Variants in CDH13 observed in about 807,000 individuals in gnomAD.
CDH13 encodes cadherin-13.
Under a neutral mutation model 63.8 loss-of-function variants are expected in CDH13, and 24 were observed. The ratio of observed to expected loss-of-function variants is 0.38; its 90% confidence interval spans 0.27 to 0.53. CDH13 has a LOEUF of 0.53. Among genes scored for constraint, CDH13 ranks in the 20% least tolerant of loss-of-function variants. The pLI, the probability that CDH13 is intolerant of heterozygous loss-of-function variation, is 0.85. For missense variants in CDH13, 1,049 were observed against 903.1 expected (o/e 1.16, Z -2.07); for synonymous variants, 503 against 355.3 (o/e 1.42, Z -4.67).
intron 8 of CDH13, among the ~76,000 whole-genome samples, chr16:83,608,063 A>G (rs558738768): frequency 1.3e-5 from 2 of 152,348 alleles, no homozygotes; most frequent in Admixed American, 6.5e-5. Context: ...AGTGATTATA[A>G]AATTTAAAAA....
At chr16:83,529,242 G>T (rs1419598985) in intron 7 of CDH13, among the ~76,000 whole-genome samples, 1 of 152,056 alleles carries the variant, frequency 6.6e-6, no homozygotes, top group Non-Finnish European at 1.5e-5. Flanking sequence ...ACGTGGATTG[G>T]AATCCTAGCT....
intron 2 of CDH13, among the ~76,000 whole-genome samples, chr16:82,990,753 C>T (rs2151404341): frequency 6.6e-6 from 1 of 152,092 alleles, no homozygotes; most frequent in African/African-American, 2.4e-5. Flanking sequence ...GCTATGTTGC[C>T]TAGGCTGATT....
intron 5 of CDH13, among the ~76,000 whole-genome samples, chr16:83,246,508 TCTC>T (rs945897782): frequency 2.6e-5 from 4 of 152,124 alleles, no homozygotes; most frequent in African/African-American, 9.7e-5. Context: ...TTCTTCCTCT[TCTC>T]TATACTTTTC....
intron 1 of CDH13, among the ~76,000 whole-genome samples, chr16:82,792,234 G>A (rs924182625): frequency 2.6e-5 from 4 of 152,036 alleles, no homozygotes; most frequent in Admixed American, 6.6e-5. Context: ...GATTCCTGCC[G>A]CGTGGGCTGA....
At chr16:82,828,966 G>A (rs2038393795) in intron 1 of CDH13, among the ~76,000 whole-genome samples, 1 of 152,140 alleles carries the variant, frequency 6.6e-6, no homozygotes, top group Non-Finnish European at 1.5e-5. Flanking sequence ...TCATAGACCA[G>A]AGACTTCCAC....
chr16:82,983,328 A>G (rs1353395165), intron 2 of CDH13, among the ~76,000 whole-genome samples: 1 of 151,910 alleles, frequency 6.6e-6, no homozygotes, highest in East Asian at 1.9e-4. Context: ...CTTCGTCCCC[A>G]TTTTTTCTCA....
At chr16:83,115,291 G>T (rs1363020624) in intron 3 of CDH13, among the ~76,000 whole-genome samples, 1 of 152,198 alleles carries the variant, frequency 6.6e-6, no homozygotes, top group Non-Finnish European at 1.5e-5. Context: ...GCAAGTCGTT[G>T]AATGGATTAA....
chr16:83,542,453 A>G (rs1177467876), intron 7 of CDH13, among the ~76,000 whole-genome samples: 2 of 152,230 alleles, frequency 1.3e-5, no homozygotes, highest in African/African-American at 4.8e-5. Context: ...TATGTCTGGC[A>G]TAGGGACCAA....
intron 6 of CDH13, among the ~76,000 whole-genome samples, chr16:83,357,219 A>T (rs543593622): frequency 6.6e-6 from 1 of 152,134 alleles, no homozygotes; most frequent in East Asian, 1.9e-4. Flanking sequence ...CTTCCTTCTC[A>T]TTTCTGCAAT....
intron 10 of CDH13, among the ~76,000 whole-genome samples, chr16:83,716,437 C>T (rs1043616523): frequency 3.3e-5 from 5 of 152,144 alleles, no homozygotes; most frequent in East Asian, 1.9e-4. Flanking sequence ...CCCTCCTTCC[C>T]GCCAACCCTT....
rs145359771 is a variant in CDH13, at chr16:82,863,478, GCA to G, written c.157+5010_157+5011del. Among the ~76,000 whole-genome samples, 1,507 of 152,222 alleles carry G rather than the reference GCA, an allele frequency of 9.9e-3. 29 individuals carry two copies. The highest frequency in any genetic ancestry group is 0.034 in the African/African-American group (1,432 of 41,518). On this transcript the variant is annotated intron_variant, in intron 2 of 13. Coordinates refer to ENST00000567109, the MANE Select transcript of CDH13 (RefSeq NM_001257.5). ...CTCATATCGACTAGAATTCAAATGT[GCA>G]CACAGTCATCTATTAGCTCTGTGGC...
At chr16:83,513,878 A>C (rs77045159) in intron 7 of CDH13, among the ~76,000 whole-genome samples, 11,074 of 152,266 alleles carry the variant, frequency 0.073, 448 homozygotes, top group African/African-American at 0.089. Flanking sequence ...CTAGTCCCCA[A>C]GTAGCTGATA....
rs563327037 is a variant in CDH13, at chr16:83,427,027, C to T, written c.782-59450C>T. On this transcript the variant is annotated intron_variant, in intron 6 of 13. Transcript: ENST00000567109. Reference sequence around the variant, plus strand: ...CTGCAAGCTCCGCCTCCCAGGTTCACGCCATTCTCCTGCCTTAGCCTCCCA... The same window carrying T: ...CTGCAAGCTCCGCCTCCCAGGTTCATGCCATTCTCCTGCCTTAGCCTCCCA... Among the ~76,000 whole-genome samples the T allele has an allele frequency of 1.4e-4, 21 of 144,844 alleles. 1 individual carries two copies. The South Asian group carries it at 4.1e-3, about 28-fold the overall frequency.
intron 6 of CDH13, among the ~76,000 whole-genome samples, chr16:83,419,022 C>A (rs2071635315): frequency 6.6e-6 from 1 of 152,160 alleles, no homozygotes; most frequent in East Asian, 1.9e-4. Flanking sequence ...GACACCTCAT[C>A]TGTTTTCTCA....
chr16:83,730,786 C>T (rs28450383), intron 10 of CDH13, among the ~76,000 whole-genome samples: 28,168 of 152,064 alleles, frequency 0.19, 2,658 homozygotes, highest in Middle Eastern at 0.22. Context: ...GCATAGTACC[C>T]GATAGTTTTC....
intron 10 of CDH13, among the ~76,000 whole-genome samples, chr16:83,723,469 C>T (rs77291627): frequency 0.15 from 22,707 of 152,204 alleles, 1,971 homozygotes; most frequent in Middle Eastern, 0.27. Context: ...CTCACTGTGG[C>T]TCCCTCTGCC....
At chr16:82,769,399 C>T (rs1315088510) in intron 1 of CDH13, among the ~76,000 whole-genome samples, 1 of 152,148 alleles carries the variant, frequency 6.6e-6, no homozygotes, top group Admixed American at 6.5e-5. Context: ...GTTTTATATA[C>T]TGTATCCTCC....
chr16:82,780,935 T>G (rs1169334901), intron 1 of CDH13, among the ~76,000 whole-genome samples: 1 of 152,264 alleles, frequency 6.6e-6, no homozygotes, highest in Non-Finnish European at 1.5e-5. Flanking sequence ...CTGACTGGAC[T>G]GGAGGGAGGA....
chr16:83,096,569 C>A (rs1170769996), intron 3 of CDH13, among the ~76,000 whole-genome samples: 1 of 152,190 alleles, frequency 6.6e-6, no homozygotes, highest in Admixed American at 6.5e-5. Context: ...TTTCAATTCT[C>A]AGGACTGAGT....
Sources: gnomAD v4.1 joint callset for allele counts (sites outside exome capture counted in the v4.1 genomes callset) on GRCh38, gnomAD v4.1.1 for gene constraint, MANE v1.5 for transcripts, NCBI Gene and HGNC (gene_info 2026-07-23, HGNC 2026-07-21) for gene names.